The following PEAK1 variants were observed in gnomAD, a reference collection of about 807,000 sequenced individuals.
The protein encoded by PEAK1 is inactive tyrosine-protein kinase PEAK1.
Under a neutral mutation model 124.7 loss-of-function variants are expected in PEAK1, and 54 were observed. The ratio of observed to expected loss-of-function variants is 0.43; its 90% CI spans 0.35 to 0.54. The LOEUF (loss-of-function observed/expected upper bound fraction) is 0.54. Ranked by LOEUF, PEAK1 falls within the 20% of genes least tolerant of loss-of-function variation. PEAK1 has a pLI of 0.01. For synonymous variants in PEAK1, 719 were observed against 760.0 expected (o/e 0.95, Z 0.89); for missense variants, 2,046 against 2,134.5 (o/e 0.96, Z 0.82).
At chr15:77,284,141 T>C in intron 4 of PEAK1, 111 bp from the exon 5 acceptor site, 1 of 441,136 alleles carries the variant, frequency 2.3e-6, no homozygotes, top group South Asian at 9.6e-5. Flanking sequence ...AGAATGATAT[T>C]TAACCCACAA....
At chr15:77,266,476 T>C (rs1342369912) in intron 5 of PEAK1, among the ~76,000 whole-genome samples, 3 of 152,002 alleles carry the variant, frequency 2.0e-5, no homozygotes, top group African/African-American at 7.2e-5. Flanking sequence ...TGAGGCAACA[T>C]CCTTTCCCCC....
intron 6 of PEAK1, among the ~76,000 whole-genome samples, chr15:77,199,815 TAGA>T (rs2058277082): frequency 2.0e-5 from 3 of 152,168 alleles, no homozygotes; most frequent in Admixed American, 2.0e-4. Context: ...GATGAAGATG[TAGA>T]AGAAGCAGTG....
At chr15:77,307,178 T>G (rs1237252352) in intron 2 of PEAK1, among the ~76,000 whole-genome samples, 1 of 152,090 alleles carries the variant, frequency 6.6e-6, no homozygotes, top group African/African-American at 2.4e-5. Flanking sequence ...CCATGACCAA[T>G]AGCCAAGCCA....
intron 6 of PEAK1, among the ~76,000 whole-genome samples, chr15:77,197,821 C>T (rs1057099866): frequency 6.6e-6 from 1 of 152,048 alleles, no homozygotes; most frequent in African/African-American, 2.4e-5. Flanking sequence ...TGGGTTTGAA[C>T]TGCGCAGTTC....
chr15:77,171,401 G>A (rs1043329620), intron 7 of PEAK1, among the ~76,000 whole-genome samples: 2 of 152,046 alleles, frequency 1.3e-5, no homozygotes, highest in Non-Finnish European at 2.9e-5. Flanking sequence ...AGGACATTAT[G>A]CTAGGTGAAA....
At position 77,133,074 on chromosome 15, in the gene PEAK1, A is replaced by C; in HGVS notation, c.4008T>G (p.Cys1336Trp). ...DFRLTSDKPC[C>W]EAGDAVYYTA... ...TATAGTAAACCGCATCACCTGCCTC[A>C]CAACATGGTTTGTCACTGGTTAGCC... The change falls in exon 9 of 10, where the codon TGT (cysteine) becomes TGG (tryptophan). Residue 1336 changes from cysteine to tryptophan, a missense_variant. Coordinates refer to ENST00000682557, the MANE Select transcript of PEAK1 (RefSeq NM_001385026.1). The surrounding 1 kb of genome is among the most constrained non-coding windows in gnomAD (Gnocchi z 4.2). 1 of 1,614,210 alleles carries C rather than the reference A, an allele frequency of 6.2e-7. No individual in the cohort carries two copies. The highest frequency in any genetic ancestry group is 8.5e-7 in the Non-Finnish European group (1 of 1,180,028).
intron 8 of PEAK1, among the ~76,000 whole-genome samples, chr15:77,148,030 GAAT>G (rs1328936522): frequency 6.6e-6 from 1 of 152,116 alleles, no homozygotes; most frequent in South Asian, 2.1e-4. Context: ...TGACTGTATT[GAAT>G]AATAATTCAG....
intron 2 of PEAK1, chr15:77,333,250 G>T: frequency 1.1e-6 from 1 of 925,698 alleles, no homozygotes; most frequent in Non-Finnish European, 1.3e-6. Context: ...CTCCTAAAGT[G>T]CTGGGATTAC....
At chr15:77,238,748 C>T (rs1014126229) in intron 6 of PEAK1, among the ~76,000 whole-genome samples, 2 of 152,162 alleles carry the variant, frequency 1.3e-5, no homozygotes, top group African/African-American at 4.8e-5. Flanking sequence ...TGGATATTGA[C>T]AGCATTGGGA....
chr15:77,115,298 C>A lies in PEAK1; in HGVS notation c.4099G>T (p.Glu1367Ter), dbSNP rs548063606. Residue 1367 changes from glutamate (E) to a stop codon, truncating the protein, a stop_gained, in exon 10 of 10, where the codon GAA becomes TAA. Transcript: ENST00000682557. LOFTEE classifies it high-confidence loss of function. ...AVKICKSKAK[E>*]SQQYYHSLAV... ...AAGCTGTGATAATACTGCTGAGATT[C>A]TTTAGCTTTGCTCTTACAGATCTGA... 6.2e-7 allele frequency: 1 copy of A among 1,613,210 alleles called. No individual in the cohort carries two copies. Among genetic ancestry groups the A allele is most frequent in the Admixed American group, 1.7e-5 (1 of 60,004 alleles).
intron 6 of PEAK1, among the ~76,000 whole-genome samples, chr15:77,198,743 A>G (rs1182972032): frequency 6.6e-6 from 1 of 152,246 alleles, no homozygotes; most frequent in Non-Finnish European, 1.5e-5. Flanking sequence ...AAGCAAAGGG[A>G]AAGTGAAGGA....
intron 2 of PEAK1, among the ~76,000 whole-genome samples, chr15:77,296,910 C>A (rs771263795): frequency 1.3e-5 from 2 of 151,630 alleles, no homozygotes; most frequent in African/African-American, 4.9e-5. Context: ...GCCCAAAGTA[C>A]CAAGTACTAC....
intron 2 of PEAK1, among the ~76,000 whole-genome samples, chr15:77,341,557 T>C (rs1415760306): frequency 6.6e-6 from 1 of 151,258 alleles, no homozygotes; most frequent in Non-Finnish European, 1.5e-5. Context: ...TATTGAGGGG[T>C]TATTACATAG....
At chr15:77,329,431 T>A (rs1461142205) in intron 2 of PEAK1, among the ~76,000 whole-genome samples, 1 of 152,154 alleles carries the variant, frequency 6.6e-6, no homozygotes, top group African/African-American at 2.4e-5. Flanking sequence ...CAAATCCAGA[T>A]TGTCTATAGC....
chr15:77,251,592 G>GC (rs1476249051), intron 6 of PEAK1, among the ~76,000 whole-genome samples: 1 of 152,154 alleles, frequency 6.6e-6, no homozygotes, highest in Non-Finnish European at 1.5e-5. Flanking sequence ...TACCTATGTT[G>GC]CTTGATTATT....
intron 6 of PEAK1, among the ~76,000 whole-genome samples, chr15:77,189,668 C>T (rs990602605): frequency 3.3e-5 from 5 of 152,158 alleles, no homozygotes; most frequent in East Asian, 1.9e-4. Context: ...AGTAATATTA[C>T]GAGGCAAATT....
intron 1 of PEAK1, chr15:77,419,604 C>T (rs929707319): frequency 1.0e-6 from 1 of 985,128 alleles, no homozygotes; most frequent in South Asian, 4.7e-5. Context: ...CCCCTCCTGC[C>T]CCGGCCTCCC....
At chr15:77,381,593 C>T (rs535837395) in intron 1 of PEAK1, 17 of 471,866 alleles carry the variant, frequency 3.6e-5, no homozygotes, top group African/African-American at 3.4e-4. Flanking sequence ...TTTTATCCAT[C>T]CAGGTTACAG....
chr15:77,361,901 G>GA (rs887301646), intron 2 of PEAK1, among the ~76,000 whole-genome samples: 120 of 143,496 alleles, frequency 8.4e-4, no homozygotes, highest in Middle Eastern at 3.6e-3. Flanking sequence ...TAGTCATGAA[G>GA]AAAAAAAAAA....
Sources: allele counts gnomAD v4.1 joint callset (sites outside exome capture counted in the v4.1 genomes callset), GRCh38; gene constraint gnomAD v4.1.1; non-coding constraint Gnocchi (gnomAD v3.1); transcripts MANE v1.5; gene names NCBI Gene and HGNC (gene_info 2026-07-23, HGNC 2026-07-21).